Variants in VTI1A observed in about 807,000 individuals in gnomAD.
VTI1A encodes the protein vesicle transport through interaction with t-SNAREs homolog 1A.
In VTI1A, 22 loss-of-function variants were observed where a neutral mutation model predicts 34.9. The ratio of observed to expected loss-of-function variants is 0.63; its 90% CI spans 0.45 to 0.90. VTI1A has a LOEUF of 0.90. Among genes scored for constraint, VTI1A ranks in the 40% least tolerant of loss-of-function variants. The pLI is 0.00. For missense variants in VTI1A, 268 were observed against 275.6 expected (o/e 0.97, Z 0.20); for synonymous variants, 87 against 97.3 (o/e 0.89, Z 0.62).
intron 5 of VTI1A, among the ~76,000 whole-genome samples, chr10:112,553,868 G>C (rs1264896340): frequency 6.6e-6 from 1 of 152,144 alleles, no homozygotes; most frequent in Non-Finnish European, 1.5e-5. Flanking sequence ...AATATAGGTG[G>C]GTTGGAGGGC....
chr10:112,731,623 T>C (rs1002112781), intron 7 of VTI1A, among the ~76,000 whole-genome samples: 5 of 151,898 alleles, frequency 3.3e-5, no homozygotes, highest in African/African-American at 1.2e-4. Context: ...AGAAGGCATA[T>C]TTTAGGAAGA....
chr10:112,854,850 C>G, the VTI1A span, among the ~76,000 whole-genome samples: 1 of 152,284 alleles, frequency 6.6e-6, no homozygotes, highest in Middle Eastern at 3.4e-3. Context: ...CCTGCACTCC[C>G]GTCTTCCTTC....
At chr10:112,637,536 G>A (rs1846403153) in intron 5 of VTI1A, among the ~76,000 whole-genome samples, 1 of 152,136 alleles carries the variant, frequency 6.6e-6, no homozygotes, top group Non-Finnish European at 1.5e-5. Context: ...GCACATGCCT[G>A]TAGTCCCAGC....
chr10:112,495,561 G>A (rs955207711), intron 3 of VTI1A, among the ~76,000 whole-genome samples: 4 of 152,110 alleles, frequency 2.6e-5, no homozygotes, highest in South Asian at 2.1e-4. Flanking sequence ...TTCACTTTAC[G>A]TGTTTTAAAT....
chr10:112,641,961 G>A (rs950255402), intron 5 of VTI1A, among the ~76,000 whole-genome samples: 1 of 152,130 alleles, frequency 6.6e-6, no homozygotes, highest in African/African-American at 2.4e-5. Flanking sequence ...TGAACTGATC[G>A]CACCGTGTTA....
intron 5 of VTI1A, among the ~76,000 whole-genome samples, chr10:112,570,565 A>G (rs909907371): frequency 6.6e-6 from 1 of 152,258 alleles, no homozygotes; most frequent in Non-Finnish European, 1.5e-5. Flanking sequence ...AAAAACAATT[A>G]AAAGATAGCT....
At chr10:112,495,343 T>G (rs1028473020) in intron 3 of VTI1A, among the ~76,000 whole-genome samples, 1 of 152,058 alleles carries the variant, frequency 6.6e-6, no homozygotes, top group Non-Finnish European at 1.5e-5. Flanking sequence ...TAATGCTTTT[T>G]CCTCGTTTGC....
chr10:112,854,907 T>C, the VTI1A span, among the ~76,000 whole-genome samples: 1 of 152,076 alleles, frequency 6.6e-6, no homozygotes, highest in South Asian at 2.1e-4. Context: ...CAGCTGGGGC[T>C]CTCCTTCCGG....
intron 5 of VTI1A, among the ~76,000 whole-genome samples, chr10:112,547,860 T>C (rs1461412540): frequency 6.6e-6 from 1 of 152,192 alleles, no homozygotes; most frequent in Non-Finnish European, 1.5e-5. Context: ...GTTTGTTTCT[T>C]TCTTTATCTA....
chr10:112,599,415 C>T (rs970065338), intron 5 of VTI1A, among the ~76,000 whole-genome samples: 1 of 152,118 alleles, frequency 6.6e-6, no homozygotes, highest in Non-Finnish European at 1.5e-5. Context: ...CCTCTTGGAT[C>T]TTCGAGCATA....
rs1852091435 is a variant in VTI1A at position 112,780,439 on chromosome 10, T to G, written c.561-34851T>G. ...TTGGAGTTTGCTCAAATCAGGCACA[T>G]TATTTCAGAATCAAACTTTTAAGCC... On this transcript the variant is annotated intron_variant, in intron 7 of 7. Coordinates refer to ENST00000393077, the MANE Select transcript of VTI1A (RefSeq NM_145206.4). Among the ~76,000 whole-genome samples the G allele has an allele frequency of 2.0e-5, 3 of 152,236 alleles. No homozygotes were observed. In the South Asian group the frequency reaches 6.2e-4, roughly 32 times the overall value.
intron 5 of VTI1A, among the ~76,000 whole-genome samples, chr10:112,616,898 G>T (rs1564850481): frequency 6.6e-6 from 1 of 152,090 alleles, no homozygotes; most frequent in African/African-American, 2.4e-5. Context: ...ACACAAGAGA[G>T]GTGTTGAGAC....
intron 7 of VTI1A, among the ~76,000 whole-genome samples, chr10:112,699,868 C>G (rs185271713): frequency 1.3e-5 from 2 of 150,906 alleles, no homozygotes; most frequent in African/African-American, 4.9e-5. Flanking sequence ...CACCTGTAAT[C>G]CCAGCACTTT....
chr10:112,518,450 T>C (rs765951694), intron 3 of VTI1A, among the ~76,000 whole-genome samples: 8 of 151,612 alleles, frequency 5.3e-5, no homozygotes, highest in Non-Finnish European at 1.2e-4. Flanking sequence ...GGCTTATACC[T>C]GTAACCCCAG....
intron 7 of VTI1A, among the ~76,000 whole-genome samples, chr10:112,700,759 T>A (rs76921113): frequency 0.044 from 6,638 of 152,270 alleles, 395 homozygotes; most frequent in African/African-American, 0.13. Flanking sequence ...ATTGATTTTT[T>A]AAAAATGTTT....
chr10:112,506,148 C>G (rs1013325437), intron 3 of VTI1A, among the ~76,000 whole-genome samples: 1 of 152,084 alleles, frequency 6.6e-6, no homozygotes, highest in African/African-American at 2.4e-5. Context: ...CCTATTGTTC[C>G]TAGGTTACAA....
At chr10:112,700,117 C>CAAAAAAA (rs1201699870) in intron 7 of VTI1A, among the ~76,000 whole-genome samples, 11 of 40,382 alleles carry the variant, frequency 2.7e-4, no homozygotes, top group African/African-American at 6.1e-4. Flanking sequence ...GACTCCATCT[C>CAAAAAAA]AAAAAAAAAA....
chr10:112,789,104 A>C (rs1281396530), intron 7 of VTI1A, among the ~76,000 whole-genome samples: 1 of 152,172 alleles, frequency 6.6e-6, no homozygotes, highest in Non-Finnish European at 1.5e-5. Flanking sequence ...ACAGTCTTTT[A>C]TATTTGCCTA....
intron 7 of VTI1A, among the ~76,000 whole-genome samples, chr10:112,703,004 T>C (rs1849065772): frequency 6.6e-6 from 1 of 152,310 alleles, no homozygotes; most frequent in East Asian, 1.9e-4. Context: ...AACTCAGTAG[T>C]GATCTGATTT....
Sources: allele counts gnomAD v4.1 joint callset (sites outside exome capture counted in the v4.1 genomes callset), GRCh38; gene constraint gnomAD v4.1.1; transcripts MANE v1.5; gene names NCBI Gene and HGNC (gene_info 2026-07-23, HGNC 2026-07-21).